Variants in MSH3 observed in about 807,000 individuals in gnomAD.
MSH3 encodes the protein DNA mismatch repair protein Msh3.
A neutral mutation model predicts 123.3 loss-of-function variants in MSH3; 106 were observed. The ratio of observed to expected loss-of-function variants is 0.86; its 90% confidence interval spans 0.73 to 1.01. The LOEUF is 1.01. MSH3 is among the 50% of genes least tolerant of loss of function. The probability of loss-of-function intolerance (pLI) is 0.00; values close to 1 mark genes in which losing one functional copy is unlikely to be tolerated. For missense variants in MSH3, 1,459 were observed against 1,347.6 expected, an observed-to-expected ratio of 1.08 and a Z score of -1.29; for synonymous variants, 515 against 481.4, an observed-to-expected ratio of 1.07 and a Z score of -0.91.
At position 80,767,953 on chromosome 5, in the gene MSH3, C is replaced by T. The variant is rs773818431; in HGVS notation, c.1917C>T (p.Phe639=). 6.2e-7 allele frequency: 1 copy of T among 1,611,642 alleles called. No homozygotes were observed. ...YHKKCSTQEF[F]LIVKTLYHLK... is the part of the protein sequence containing the mutation. ...TTCAGTGTTCTACCCAAGAGTTCTT[C>T]TTGATTGTCAAAACTTTATATCACC... Residue 639 remains phenylalanine, a synonymous_variant, in exon 14 of 24, where the codon TTC becomes TTT. Coordinates refer to ENST00000265081, the MANE Select transcript of MSH3 (RefSeq NM_002439.5).
At chr5:80,711,949 C>T (rs577380684) in intron 8 of MSH3, among the ~76,000 whole-genome samples, 336 of 152,246 alleles carry the variant, frequency 2.2e-3, no homozygotes, top group South Asian at 0.017. Context: ...CCACCACGCC[C>T]GGCCAGCACT....
chr5:80,714,468 T>G (rs1179743776), intron 8 of MSH3, among the ~76,000 whole-genome samples: 1 of 152,110 alleles, frequency 6.6e-6, no homozygotes, highest in African/African-American at 2.4e-5. Flanking sequence ...ATACAGTGAT[T>G]TGAATTTATC....
chr5:80,794,429 T>G (rs1744663842), intron 19 of MSH3, among the ~76,000 whole-genome samples: 1 of 152,128 alleles, frequency 6.6e-6, no homozygotes, highest in Admixed American at 6.5e-5. Context: ...TAGGTCAAAG[T>G]TGAGAACTAG....
Position 80,784,212 on chromosome 5 carries a change from C to CAAAAAAAAAAAAAAAAAAAAA in MSH3, c.2436-3346_2436-3326dup, listed in dbSNP as rs1192783960. Among the ~76,000 whole-genome samples the CAAAAAAAAAAAAAAAAAAAAA allele has an allele frequency of 6.0e-3, 72 of 11,974 alleles. 10 individuals are homozygous for CAAAAAAAAAAAAAAAAAAAAA. The highest frequency in any genetic ancestry group is 0.024 in the East Asian group (13 of 552). 7.9% of individuals were successfully genotyped at this position (11,974 alleles called of 152,430 possible). ...GCGAAAGAGCGAGACTACTACGTCG[C>CAAAAAAAAAAAAAAAAAAAAA]AAAAAAAAAAAAAAAAAAAAAAAAA... On this transcript the variant is annotated intron_variant, in intron 17 of 23. Transcript: ENST00000265081.
chr5:80,854,463 T>C (rs970361095), intron 21 of MSH3, 147 bp downstream of exon 21: 5 of 701,234 alleles, frequency 7.1e-6, no homozygotes, highest in Non-Finnish European at 1.2e-5. Flanking sequence ...TTAACCTAAT[T>C]AACACATTCC....
intron 12 of MSH3, among the ~76,000 whole-genome samples, chr5:80,756,984 C>T (rs28027): frequency 0.69 from 105,409 of 152,082 alleles, 37,111 homozygotes; most frequent in East Asian, 0.95. Context: ...TCGTTCTGTG[C>T]TGTCTTAAAA....
chr5:80,748,677 GT>G (rs1465593358), intron 12 of MSH3, among the ~76,000 whole-genome samples: 1 of 145,600 alleles, frequency 6.9e-6, no homozygotes, highest in Non-Finnish European at 1.5e-5. Flanking sequence ...ATATAGTCTT[GT>G]CAATTTTTTA....
At chr5:80,701,505 TC>T (rs926967608) in intron 8 of MSH3, among the ~76,000 whole-genome samples, 2 of 152,102 alleles carry the variant, frequency 1.3e-5, no homozygotes. Flanking sequence ...AAGACAAAAA[TC>T]CCCCTTCACT....
At chr5:80,825,202 T>A (rs1580073045) in intron 20 of MSH3, among the ~76,000 whole-genome samples, 1 of 152,158 alleles carries the variant, frequency 6.6e-6, no homozygotes, top group African/African-American at 2.4e-5. Flanking sequence ...TCCTCCCTAA[T>A]CCCATTGCCC....
intron 17 of MSH3, among the ~76,000 whole-genome samples, chr5:80,781,048 C>G (rs1227448299): frequency 1.3e-5 from 2 of 152,062 alleles, no homozygotes; most frequent in Non-Finnish European, 2.9e-5. Flanking sequence ...AATTGTAAGA[C>G]CAGGAAGAGA....
chr5:80,656,420 AT>A lies in MSH3; in HGVS notation c.249del (p.Ile83MetfsTer19). On this transcript the variant is annotated frameshift_variant, in exon 2 of 24. Coordinates refer to ENST00000265081, the MANE Select transcript of MSH3 (RefSeq NM_002439.5). LOFTEE classifies it high-confidence loss of function. ...PQLPPHIATE[I>X]DRRKKRPLEN... ...AACCTTCCCGATATAGGCTACAGAA[AT>A]TGACAGAAGAAAGAAGAGACCATTG... The A allele has an allele frequency of 5.0e-6, 8 of 1,614,192 alleles. No homozygotes were observed. Among genetic ancestry groups the A allele is most frequent in the Non-Finnish European group, 6.8e-6 (8 of 1,180,020 alleles).
At chr5:80,770,968 A>T (rs1160506449) in intron 15 of MSH3, among the ~76,000 whole-genome samples, 1 of 152,170 alleles carries the variant, frequency 6.6e-6, no homozygotes, top group African/African-American at 2.4e-5. Context: ...TATTAGGAAG[A>T]TCAGTTATCT....
intron 20 of MSH3, among the ~76,000 whole-genome samples, chr5:80,824,581 G>A (rs536832326): frequency 6.6e-5 from 10 of 152,362 alleles, no homozygotes; most frequent in Admixed American, 2.0e-4. Context: ...GAGAAATCAT[G>A]TGTTGAATTA....
intron 20 of MSH3, among the ~76,000 whole-genome samples, chr5:80,823,231 A>C (rs60855919): frequency 1.3e-5 from 2 of 152,166 alleles, no homozygotes; most frequent in East Asian, 3.9e-4. Context: ...ACTTATGTAA[A>C]TTTTTAAATT....
chr5:80,771,312 C>T (rs184254658), intron 15 of MSH3, among the ~76,000 whole-genome samples: 68 of 152,072 alleles, frequency 4.5e-4, no homozygotes, highest in African/African-American at 1.6e-3. Context: ...AGCGAGACAC[C>T]ATCCCTAAAA....
At position 80,846,941 on chromosome 5, in the gene MSH3, A is replaced by G. The variant is rs552515894; in HGVS notation, c.2814-7189A>G. Among the ~76,000 whole-genome samples the G allele has an allele frequency of 3.6e-3, 540 of 151,408 alleles. 4 individuals are homozygous for G. Among genetic ancestry groups the G allele is most frequent in the Non-Finnish European group, 6.7e-3 (454 of 67,944 alleles). On this transcript the variant is annotated intron_variant, in intron 20 of 23. Coordinates refer to ENST00000265081, the MANE Select transcript of MSH3 (RefSeq NM_002439.5). ...CTGCACCCACTGTCCAACCAGTCCC[A>G]ATGAGATAAAGCAGGTACCTCAGTT...
chr5:80,759,790 A>G (rs901714719), intron 12 of MSH3, among the ~76,000 whole-genome samples: 14 of 152,152 alleles, frequency 9.2e-5, no homozygotes, highest in Non-Finnish European at 1.5e-4. Flanking sequence ...TAGTGGCTGT[A>G]GAGGTGGAGA....
intron 20 of MSH3, among the ~76,000 whole-genome samples, chr5:80,831,857 C>T (rs1015005774): frequency 6.6e-6 from 1 of 152,104 alleles, no homozygotes; most frequent in African/African-American, 2.4e-5. Flanking sequence ...TCCTGTAATC[C>T]CAGCACTTTG....
intron 8 of MSH3, among the ~76,000 whole-genome samples, chr5:80,685,354 T>C (rs1334003041): frequency 1.3e-5 from 2 of 152,050 alleles, no homozygotes; most frequent in Non-Finnish European, 2.9e-5. Context: ...TACTTGTTAT[T>C]GGTCTGTTCA....
Sources: allele counts gnomAD v4.1 joint callset (sites outside exome capture counted in the v4.1 genomes callset), GRCh38; gene constraint gnomAD v4.1.1; transcripts MANE v1.5; gene names NCBI Gene and HGNC (gene_info 2026-07-23, HGNC 2026-07-21).